IPO11: variants seen among roughly 807,000 people sequenced by gnomAD.
IPO11 encodes importin 11, also known as importin-11.
IPO11 carries 66 observed loss-of-function variants against 143.2 expected under a neutral mutation model. The observed-to-expected ratio is 0.46, with a 90% CI of 0.38 to 0.57. The LOEUF is 0.57. Ranked by LOEUF, IPO11 falls within the 20% of genes least tolerant of loss-of-function variation. The pLI is 0.00. For missense variants in IPO11, 1,026 were observed against 1,141.0 expected, an observed-to-expected ratio of 0.90 and a Z score of 1.45; for synonymous variants, 385 against 377.8, an observed-to-expected ratio of 1.02 and a Z score of -0.22.
chr5:62,513,399 C>T (rs1394049989), intron 19 of IPO11, among the ~76,000 whole-genome samples: 8 of 106,044 alleles, frequency 7.5e-5, no homozygotes, highest in African/African-American at 1.7e-4. Flanking sequence ...GGCGGCTGGC[C>T]GGGAGGGGGC....
At chr5:62,506,161 TCTTA>T in intron 18 of IPO11, 76 bp from the exon 19 acceptor site, 1 of 689,734 alleles carries the variant, frequency 1.4e-6, no homozygotes, top group South Asian at 2.2e-5. Flanking sequence ...ATGATTTATT[TCTTA>T]CTTCTGTTCG....
intron 2 of IPO11, among the ~76,000 whole-genome samples, chr5:62,441,499 T>A: frequency 5.2e-5 from 1 of 19,212 alleles, no homozygotes; most frequent in Non-Finnish European, 9.9e-5. Flanking sequence ...GCCTGGCCTT[T>A]TTTTTTTTTT....
rs1404158622 is a variant in IPO11 at position 62,412,787 on chromosome 5, CATGGCGTGTTCCTAG to C, written c.-147_-133del. 1 of 152,744 alleles carries C rather than the reference CATGGCGTGTTCCTAG, an allele frequency of 6.5e-6. No homozygotes were observed. The highest frequency in any genetic ancestry group is 2.4e-5 in the African/African-American group (1 of 41,476). 9.5% of individuals were successfully genotyped at this position (152,744 alleles called of 1,614,324 possible). ...CGTCGTTTGGAGCTGCGACGCCAAA[CATGGCGTGTTCCTAG>C]AAGCCGCTTTCGGCATCAGTAGGCG... On this transcript the variant is annotated 5_prime_UTR_variant, in exon 1 of 30. An upstream start codon of the reference 5' UTR is lost. Transcript: ENST00000325324.
chr5:62,547,541 C>G (rs1396150869), intron 24 of IPO11, among the ~76,000 whole-genome samples: 1 of 152,132 alleles, frequency 6.6e-6, no homozygotes, highest in Non-Finnish European at 1.5e-5. Flanking sequence ...GCACCCAAGT[C>G]TGATAATGGT....
At chr5:62,515,787 C>G (rs1274302363) in intron 20 of IPO11, among the ~76,000 whole-genome samples, 2 of 151,948 alleles carry the variant, frequency 1.3e-5, no homozygotes, top group African/African-American at 2.4e-5. Flanking sequence ...CATGCAGTTT[C>G]CTTGGTGGTC....
intron 26 of IPO11, among the ~76,000 whole-genome samples, chr5:62,556,317 T>C (rs1229030425): frequency 1.3e-5 from 2 of 152,158 alleles, no homozygotes; most frequent in African/African-American, 4.8e-5. Context: ...AGAGTGAGAC[T>C]CTGTCTCAAA....
intron 29 of IPO11, 120 bp from the exon 30 acceptor site, chr5:62,627,034 G>C: frequency 5.1e-6 from 4 of 781,330 alleles, no homozygotes; most frequent in Non-Finnish European, 8.0e-6. Flanking sequence ...ATCTGTGTGA[G>C]AAGAGAGGCA....
chr5:62,457,623 G>A (rs1745209830), intron 5 of IPO11, among the ~76,000 whole-genome samples: 1 of 152,170 alleles, frequency 6.6e-6, no homozygotes, highest in Non-Finnish European at 1.5e-5. Flanking sequence ...ACACAAAGGA[G>A]AACTGCATAG....
chr5:62,619,746 G>A (rs552676957), intron 29 of IPO11, among the ~76,000 whole-genome samples: 3 of 152,068 alleles, frequency 2.0e-5, no homozygotes, highest in South Asian at 4.2e-4. Flanking sequence ...CCACCTAGTC[G>A]GGAGGCTGAG....
intron 9 of IPO11, among the ~76,000 whole-genome samples, chr5:62,480,529 A>G (rs1040686990): frequency 5.3e-5 from 8 of 152,088 alleles, no homozygotes; most frequent in Non-Finnish European, 8.8e-5. Context: ...ATTACCTTGG[A>G]CAGTATGGCC....
At chr5:62,439,608 G>A (rs1475025484) in intron 2 of IPO11, among the ~76,000 whole-genome samples, 2 of 148,402 alleles carry the variant, frequency 1.3e-5, no homozygotes, top group Non-Finnish European at 3.0e-5. Flanking sequence ...TTTTTTTTAA[G>A]TAGAGACAGG....
chr5:62,584,395 C>T (rs1331491171), intron 27 of IPO11, among the ~76,000 whole-genome samples: 3 of 151,974 alleles, frequency 2.0e-5, no homozygotes, highest in South Asian at 2.1e-4. Flanking sequence ...CTCAGGAATT[C>T]GAGACCAGCC....
At chr5:62,564,869 A>T (rs1299397338) in intron 27 of IPO11, among the ~76,000 whole-genome samples, 4 of 152,190 alleles carry the variant, frequency 2.6e-5, no homozygotes, top group Non-Finnish European at 5.9e-5. Context: ...TTAGGACCAC[A>T]CTCAAATCCC....
intron 16 of IPO11, 105 bp from the exon 17 acceptor site, chr5:62,504,562 A>C: frequency 1.5e-6 from 1 of 654,186 alleles, no homozygotes; most frequent in Non-Finnish European, 2.6e-6. Context: ...GACTCTAATA[A>C]TAATAAGAGT....
intron 19 of IPO11, among the ~76,000 whole-genome samples, chr5:62,513,729 G>T (rs910032114): frequency 6.7e-6 from 1 of 149,732 alleles, no homozygotes; most frequent in Non-Finnish European, 1.5e-5. Context: ...GCCGGGTGGG[G>T]GGCTGACCCC....
chr5:62,511,883 C>T (rs1741758716), intron 19 of IPO11, among the ~76,000 whole-genome samples: 2 of 151,962 alleles, frequency 1.3e-5, no homozygotes, highest in Admixed American at 1.3e-4. Flanking sequence ...ACCATACATA[C>T]AACACCCGGC....
At chr5:62,598,747 G>T (rs545924974) in intron 28 of IPO11, among the ~76,000 whole-genome samples, 1 of 151,340 alleles carries the variant, frequency 6.6e-6, no homozygotes, top group Non-Finnish European at 1.5e-5. Context: ...GTTTCACTAT[G>T]TTGGCCAGGC....
At chr5:62,419,397 GTC>G (rs1743420494) in intron 1 of IPO11, among the ~76,000 whole-genome samples, 1 of 151,994 alleles carries the variant, frequency 6.6e-6, no homozygotes, top group Non-Finnish European at 1.5e-5. Flanking sequence ...TAAACTTTTT[GTC>G]TCTGTTGCAG....
At chr5:62,506,145 G>T in intron 18 of IPO11, 96 bp from the exon 19 acceptor site, 1 of 612,346 alleles carries the variant, frequency 1.6e-6, no homozygotes, top group East Asian at 2.8e-5. Flanking sequence ...TTACTGCTTT[G>T]ACATTATGAT....
Sources: allele counts gnomAD v4.1 joint callset (sites outside exome capture counted in the v4.1 genomes callset), GRCh38; gene constraint gnomAD v4.1.1; transcripts MANE v1.5; gene names NCBI Gene and HGNC (gene_info 2026-07-23, HGNC 2026-07-21).